The following CCDC149 variants were observed in gnomAD, a reference collection of about 807,000 sequenced individuals.
The protein encoded by CCDC149 is coiled-coil domain containing 149.
CCDC149 carries 45 observed loss-of-function variants against 59.9 expected under a neutral mutation model. The observed-to-expected ratio is 0.75, with a 90% CI of 0.59 to 0.96. CCDC149 has a LOEUF of 0.96. CCDC149 is among the 40% of genes least tolerant of loss of function. CCDC149 has a pLI of 0.00. For missense variants in CCDC149, 584 were observed against 664.7 expected, an observed-to-expected ratio of 0.88 and a Z score of 1.33; for synonymous variants, 245 against 260.6, an observed-to-expected ratio of 0.94 and a Z score of 0.58.
At chr4:24,864,594 G>A (rs1488182431) in intron 3 of CCDC149, among the ~76,000 whole-genome samples, 2 of 152,124 alleles carry the variant, frequency 1.3e-5, no homozygotes, top group African/African-American at 4.8e-5. Context: ...TGATTTGAGT[G>A]ATAAAAAAAC....
At chr4:24,913,169 G>A (rs1722003107), upstream of CCDC149, among the ~76,000 whole-genome samples, 1 of 151,904 alleles carries the variant, frequency 6.6e-6, no homozygotes, top group Non-Finnish European at 1.5e-5. Context: ...CCTCCTGCCC[G>A]GCCTCTAGGC....
intron 1 of CCDC149, among the ~76,000 whole-genome samples, chr4:24,888,639 T>C (rs986314411): frequency 1.1e-4 from 16 of 152,196 alleles, no homozygotes; most frequent in Admixed American, 7.9e-4. Context: ...TGGTTATCTA[T>C]GGAGTACAAT....
intron 1 of CCDC149, among the ~76,000 whole-genome samples, chr4:24,971,289 A>G (rs1723961589): frequency 6.6e-6 from 1 of 152,166 alleles, no homozygotes; most frequent in Admixed American, 6.5e-5. Flanking sequence ...GTTGTGGGTT[A>G]TGAATTCAGG....
intron 3 of CCDC149, among the ~76,000 whole-genome samples, chr4:24,867,740 C>T (rs1718786675): frequency 6.6e-6 from 1 of 152,188 alleles, no homozygotes; most frequent in South Asian, 2.1e-4. Flanking sequence ...GAATAAGAAC[C>T]ACTGGTCCAG....
intron 1 of CCDC149, among the ~76,000 whole-genome samples, chr4:24,963,059 C>T (rs1459905702): frequency 6.6e-6 from 1 of 151,900 alleles, no homozygotes; most frequent in African/African-American, 2.4e-5. Context: ...ACCTGAAAAC[C>T]TTGTGGCAAT....
At chr4:24,962,390 G>A (rs1468033799) in intron 1 of CCDC149, among the ~76,000 whole-genome samples, 1 of 152,198 alleles carries the variant, frequency 6.6e-6, no homozygotes, top group Non-Finnish European at 1.5e-5. Flanking sequence ...AACCATTGTG[G>A]AAGTCAGTGT....
chr4:24,808,739 C>T lies in CCDC149; in HGVS notation c.1273G>A (p.Ala425Thr), dbSNP rs866274450. Residue 425 changes from alanine (A) to threonine (T), a missense_variant, in exon 13 of 13, where the codon GCT (alanine) becomes ACT (threonine). Coordinates refer to ENST00000635206, the MANE Select transcript of CCDC149 (RefSeq NM_001330643.2). Reference sequence around the variant, plus strand: ...CTCTGATTTGCTGGGGAGTTGACAGCGGGCCTCCCAGCATCCTCAGGCGCT... The same window carrying T: ...CTCTGATTTGCTGGGGAGTTGACAGTGGGCCTCCCAGCATCCTCAGGCGCT... 1.8e-5 allele frequency: 28 copies of T among 1,551,928 alleles called. No homozygotes were observed. The highest frequency in any genetic ancestry group is 8.2e-5 in the African/African-American group (6 of 73,054).
intron 1 of CCDC149, among the ~76,000 whole-genome samples, chr4:24,930,504 A>G (rs796289306): frequency 7.9e-5 from 12 of 152,352 alleles, no homozygotes; most frequent in African/African-American, 2.9e-4. Context: ...GAAAAAGTAC[A>G]AAAACTACGA....
intron 1 of CCDC149, among the ~76,000 whole-genome samples, chr4:24,965,110 A>G (rs996392645): frequency 6.6e-6 from 1 of 151,300 alleles, no homozygotes; most frequent in Non-Finnish European, 1.5e-5. Context: ...TCAGAAGGGA[A>G]AAAACATTGG....
chr4:24,973,934 G>C (rs867145810), intron 1 of CCDC149, among the ~76,000 whole-genome samples: 2 of 152,240 alleles, frequency 1.3e-5, no homozygotes, highest in African/African-American at 2.4e-5. Flanking sequence ...TGCAGTCCCC[G>C]AGCCCGGGAA....
At chr4:24,907,564 C>T (rs1285489474) in intron 1 of CCDC149, among the ~76,000 whole-genome samples, 2 of 152,174 alleles carry the variant, frequency 1.3e-5, no homozygotes. Context: ...CTGTCTTCCC[C>T]TCTGGACTTG....
chr4:24,890,423 C>A (rs925756578), intron 1 of CCDC149, among the ~76,000 whole-genome samples: 1 of 152,162 alleles, frequency 6.6e-6, no homozygotes, highest in Non-Finnish European at 1.5e-5. Flanking sequence ...CTGTCCCATG[C>A]CCTTTCTGCC....
rs1472605530 is a variant in CCDC149 at position 24,853,890 on chromosome 4, C to T, written c.265-711G>A. ...AACAGTTTCCTGGGCTGGTTTTCCC[C>T]TTCTTTATTTCCTTATTCTACCTCA... is the stretch of plus-strand genomic sequence containing the variant. On this transcript the variant is annotated intron_variant, in intron 3 of 12. Transcript: ENST00000635206. 4.6e-5 allele frequency among the ~76,000 whole-genome samples: 7 copies of T among 152,122 alleles called. No individual in the cohort carries two copies. In the East Asian group the frequency reaches 9.6e-4, roughly 21 times the overall value.
intron 7 of CCDC149, among the ~76,000 whole-genome samples, chr4:24,835,327 T>C (rs1716447055): frequency 6.6e-6 from 1 of 152,220 alleles, no homozygotes; most frequent in Admixed American, 6.5e-5. Flanking sequence ...GAAACAAGAA[T>C]GCAGCCTAAC....
At position 24,837,147 on chromosome 4, in the gene CCDC149, G is replaced by A; in HGVS notation, c.662+81C>T. The stretch of plus-strand genomic sequence containing the variant: ...AAGGCAATTTTCTCCAAAATAAATA[G>A]GGCTGCAAATAACTCCCAGCCTGCA... On this transcript the variant is annotated intron_variant, in intron 6 of 12. Coordinates refer to ENST00000635206, the MANE Select transcript of CCDC149 (RefSeq NM_001330643.2). This position sits in a 1 kb window ranked among gnomAD's most constrained non-coding sequence, Gnocchi z 4.3. 2.3e-6 allele frequency: 3 copies of A among 1,331,852 alleles called. No individual in the cohort carries two copies. The highest frequency in any genetic ancestry group is 3.1e-6 in the Non-Finnish European group (3 of 966,638). 82.5% of individuals were successfully genotyped at this position (1,331,852 alleles called of 1,614,324 possible).
intron 1 of CCDC149, among the ~76,000 whole-genome samples, chr4:24,928,405 A>C (rs573343946): frequency 1.3e-5 from 2 of 152,326 alleles, no homozygotes; most frequent in African/African-American, 4.8e-5. Flanking sequence ...AAGTGGGCAC[A>C]AGCTTTTCCT....
intron 12 of CCDC149, among the ~76,000 whole-genome samples, chr4:24,818,758 C>CGA (rs1364188880): frequency 6.6e-6 from 1 of 152,144 alleles, no homozygotes; most frequent in East Asian, 1.9e-4. Flanking sequence ...GTAAACAACC[C>CGA]GAGAGAGAGC....
At chr4:24,923,254 C>A (rs1009238989) in intron 1 of CCDC149, among the ~76,000 whole-genome samples, 2 of 152,138 alleles carry the variant, frequency 1.3e-5, no homozygotes, top group African/African-American at 2.4e-5. Flanking sequence ...AACTGCAAAC[C>A]TTGGTCAGCT....
At chr4:24,869,264 C>T (rs746365052) in intron 3 of CCDC149, among the ~76,000 whole-genome samples, 18 of 152,170 alleles carry the variant, frequency 1.2e-4, no homozygotes, top group Non-Finnish European at 2.4e-4. Context: ...TTCCAGCGGC[C>T]AAAGGTGTAG....
Sources: allele counts gnomAD v4.1 joint callset (sites outside exome capture counted in the v4.1 genomes callset), GRCh38; gene constraint gnomAD v4.1.1; non-coding constraint Gnocchi (gnomAD v3.1); transcripts MANE v1.5; gene names NCBI Gene and HGNC (gene_info 2026-07-23, HGNC 2026-07-21).